Variants in NLRP8 observed in about 807,000 individuals in gnomAD.
The protein encoded by NLRP8 is NACHT, LRR and PYD domains-containing protein 8.
Under a neutral mutation model 88.7 loss-of-function variants are expected in NLRP8, and 86 were observed. The observed-to-expected ratio is 0.97, with a 90% confidence interval of 0.81 to 1.16. The LOEUF (loss-of-function observed/expected upper bound fraction) is 1.16. Ranked by LOEUF, NLRP8 falls within the 50% of genes most tolerant of loss-of-function variation. The pLI is 0.00. For synonymous variants in NLRP8, 504 were observed against 494.6 expected, an observed-to-expected ratio of 1.02 and a Z score of -0.25; for missense variants, 1,342 against 1,286.5, an observed-to-expected ratio of 1.04 and a Z score of -0.66.
At chr19:55,956,706 T>C (rs550043481) in intron 3 of NLRP8, among the ~76,000 whole-genome samples, 1 of 152,130 alleles carries the variant, frequency 6.6e-6, no homozygotes, top group Non-Finnish European at 1.5e-5. Context: ...GTGCTAAACC[T>C]GGGAGAATAC....
At chr19:55,971,790 A>G (rs962995682) in intron 6 of NLRP8, among the ~76,000 whole-genome samples, 1 of 152,150 alleles carries the variant, frequency 6.6e-6, no homozygotes, top group Non-Finnish European at 1.5e-5. Flanking sequence ...ATGGGTATGA[A>G]GGTGCTCCTA....
intron 5 of NLRP8, among the ~76,000 whole-genome samples, chr19:55,969,910 G>A (rs572812558): frequency 7.9e-5 from 12 of 152,264 alleles, no homozygotes; most frequent in East Asian, 7.7e-4. Context: ...CCTTGAGGCC[G>A]AAATCCAGCC....
At chr19:55,983,975 T>G in intron 9 of NLRP8, among the ~76,000 whole-genome samples, 1 of 151,698 alleles carries the variant, frequency 6.6e-6, no homozygotes, top group East Asian at 1.9e-4. Flanking sequence ...TTTAATCTAA[T>G]ATTTCACTAT....
intron 2 of NLRP8, 107 bp downstream of exon 2, chr19:55,952,719 T>A (rs1979151112): frequency 1.2e-6 from 1 of 819,584 alleles, no homozygotes; most frequent in Non-Finnish European, 2.0e-6. Context: ...ATGTCCAGTG[T>A]TTCTTCTACA....
chr19:55,985,604 T>G (rs1009316526), intron 9 of NLRP8, among the ~76,000 whole-genome samples: 4 of 152,134 alleles, frequency 2.6e-5, no homozygotes, highest in African/African-American at 9.7e-5. Flanking sequence ...ATAGTATAAA[T>G]CTAAATATGA....
intron 6 of NLRP8, among the ~76,000 whole-genome samples, chr19:55,971,935 C>T (rs750236423): frequency 2.6e-5 from 4 of 152,012 alleles, no homozygotes; most frequent in Non-Finnish European, 5.9e-5. Context: ...TTTTTATCAT[C>T]TGACTGTTCA....
rs1376112499 is a variant in NLRP8 at position 55,953,225 on chromosome 19, C to A, written c.442+613C>A. On this transcript the variant is annotated intron_variant, in intron 2 of 9. Coordinates refer to ENST00000291971, the MANE Select transcript of NLRP8 (RefSeq NM_176811.2). The stretch of plus-strand genomic sequence containing the variant: ...CTGTGCTCTCCTGAGAATCTAATGC[C>A]TGATCCGTCACCGTCTCCCATCACC... 2.6e-5 allele frequency among the ~76,000 whole-genome samples: 4 copies of A among 152,104 alleles called. No homozygotes were observed. In the East Asian group the frequency reaches 7.7e-4, roughly 29 times the overall value.
chr19:55,953,159 G>T (rs1327900966), intron 2 of NLRP8, among the ~76,000 whole-genome samples: 2 of 152,030 alleles, frequency 1.3e-5, no homozygotes, highest in Non-Finnish European at 2.9e-5. Flanking sequence ...TCTCATAGGA[G>T]TGCAAACCCT....
intron 2 of NLRP8, among the ~76,000 whole-genome samples, chr19:55,953,502 C>CTTTA (rs145012085): frequency 1.3e-5 from 2 of 148,990 alleles, no homozygotes; most frequent in Non-Finnish European, 2.9e-5. Flanking sequence ...TTCTTTCTTT[C>CTTTA]TTTATTTTTT....
At chr19:55,971,333 G>A (rs1243909390) in intron 6 of NLRP8, among the ~76,000 whole-genome samples, 5 of 151,384 alleles carry the variant, frequency 3.3e-5, no homozygotes, top group African/African-American at 7.3e-5. Context: ...CCAGCTACTC[G>A]GGAGGCTGAG....
chr19:55,952,979 C>T (rs1380426335), intron 2 of NLRP8, among the ~76,000 whole-genome samples: 3 of 152,078 alleles, frequency 2.0e-5, no homozygotes, highest in East Asian at 1.9e-4. Context: ...CGGTCCCCAA[C>T]CCCCGGGCCA....
chr19:55,987,714 C>T (rs1290494241), intron 9 of NLRP8: 14 of 808,282 alleles, frequency 1.7e-5, no homozygotes, highest in South Asian at 4.4e-5. Context: ...GGGAGGGGTA[C>T]GGTCTGTAGA....
chr19:55,956,035 A>G lies in NLRP8; in HGVS notation c.1977A>G (p.Glu659=), dbSNP rs190017025. 20 of 1,614,150 alleles carry G rather than the reference A, an allele frequency of 1.2e-5. No homozygotes were observed. In the Admixed American group the frequency reaches 3.2e-4, roughly 26 times the overall value. ...GGTGTCAATATTTGCATGAGGTGGA[A>G]CTGACCGTCACCCTGAACTTCATGA... The change falls in exon 3 of 10, where the codon GAA becomes GAG. Residue 659 remains glutamate, a synonymous_variant. Coordinates refer to ENST00000291971, the MANE Select transcript of NLRP8 (RefSeq NM_176811.2).
rs573356679 is a variant in NLRP8, at chr19:55,986,857, C to T, written c.3048-957C>T. 3.9e-5 allele frequency among the ~76,000 whole-genome samples: 6 copies of T among 152,262 alleles called. No individual in the cohort carries two copies. The South Asian group carries it at 8.3e-4, about 21-fold the overall frequency. The stretch of plus-strand genomic sequence containing the variant: ...CTCCTGTCTTGCTCTCTGCCCTTCC[C>T]GCTTTTGTTCTCCACTGCTGATTAG... On this transcript the variant is annotated intron_variant, in intron 9 of 9. Transcript: ENST00000291971.
At chr19:55,950,496 G>A (rs559950697) in intron 1 of NLRP8, among the ~76,000 whole-genome samples, 4 of 151,988 alleles carry the variant, frequency 2.6e-5, no homozygotes, top group Non-Finnish European at 4.4e-5. Flanking sequence ...TTCTGTATTC[G>A]TGAATGTGCC....
intron 9 of NLRP8, among the ~76,000 whole-genome samples, chr19:55,985,418 G>GT (rs1162793220): frequency 6.6e-6 from 1 of 152,136 alleles, no homozygotes; most frequent in Non-Finnish European, 1.5e-5. Flanking sequence ...TAGGGAAACA[G>GT]AATAGAGTCC....
At chr19:55,977,690 A>G (rs1415354316) in intron 8 of NLRP8, among the ~76,000 whole-genome samples, 1 of 151,600 alleles carries the variant, frequency 6.6e-6, no homozygotes, top group Non-Finnish European at 1.5e-5. Flanking sequence ...AAGTATTTGG[A>G]AAAGACTTGT....
chr19:55,985,786 C>G (rs549711155), intron 9 of NLRP8, among the ~76,000 whole-genome samples: 2 of 152,248 alleles, frequency 1.3e-5, no homozygotes, highest in Admixed American at 6.5e-5. Flanking sequence ...GAGGCCGAGG[C>G]GGGTGGATCA....
intron 5 of NLRP8, among the ~76,000 whole-genome samples, chr19:55,967,239 C>A (rs1391600195): frequency 5.3e-5 from 8 of 152,144 alleles, no homozygotes; most frequent in Non-Finnish European, 1.0e-4. Context: ...TGGTGATGAC[C>A]TTGAGCAGTG....
Sources: gnomAD v4.1 joint callset for allele counts (sites outside exome capture counted in the v4.1 genomes callset) on GRCh38, gnomAD v4.1.1 for gene constraint, MANE v1.5 for transcripts, NCBI Gene and HGNC (gene_info 2026-07-23, HGNC 2026-07-21) for gene names.